Variants in CAMTA1 observed in about 807,000 individuals in gnomAD.
CAMTA1 encodes calmodulin-binding transcription activator 1.
In CAMTA1, 27 loss-of-function variants were observed where a neutral mutation model predicts 170.9. That is an observed-to-expected ratio of 0.16 (90% CI 0.12 to 0.22). The LOEUF is 0.22. Among genes scored for constraint, CAMTA1 ranks in the 10% least tolerant of loss-of-function variants. The pLI, the probability that CAMTA1 is intolerant of heterozygous loss-of-function variation, is 1.00. For missense variants in CAMTA1, 1,619 were observed against 2,217.2 expected (o/e 0.73, Z 5.42); for synonymous variants, 833 against 891.5 (o/e 0.93, Z 1.17).
chr1:6,923,699 C>G (rs1329822760), intron 3 of CAMTA1, among the ~76,000 whole-genome samples: 1 of 152,106 alleles, frequency 6.6e-6, no homozygotes, highest in Non-Finnish European at 1.5e-5. Flanking sequence ...GCGGGGAGTC[C>G]ATGTGAGTGA....
At chr1:7,639,401 ATGGGGTG>A (rs2148925125) in intron 6 of CAMTA1, among the ~76,000 whole-genome samples, 1 of 152,196 alleles carries the variant, frequency 6.6e-6, no homozygotes, top group East Asian at 1.9e-4. Flanking sequence ...GACGAGCTGG[ATGGGGTG>A]ACAGAAGAGC....
rs200732212 is a variant in CAMTA1, at chr1:7,664,165, G to A, written c.1618G>A (p.Glu540Lys). The A allele has an allele frequency of 1.9e-5, 30 of 1,612,932 alleles. No individual in the cohort carries two copies. The highest frequency in any genetic ancestry group is 3.3e-5 in the Admixed American group (2 of 60,028). ...GATCAAGACCGAGGACACCTCCTTC[G>A]AGCAGCAGATGGCCAAAGAAGCGTA... ...KEIKTEDTSF[E>K]QQMAKEAYSS... is the part of the protein sequence containing the mutation. Residue 540 changes from glutamate to lysine, a missense_variant, in exon 9 of 23, where the codon GAG becomes AAG. Glu to Lys is a moderately conservative substitution (Grantham distance 56). This residue lies in a region of CAMTA1 where 731 missense variants were observed against 907.6 expected (regional missense o/e 0.81). Transcript: ENST00000303635.
intron 3 of CAMTA1, among the ~76,000 whole-genome samples, chr1:7,060,614 C>T (rs1474963116): frequency 6.6e-6 from 1 of 152,186 alleles, no homozygotes; most frequent in East Asian, 1.9e-4. Flanking sequence ...GTACACGTGT[C>T]TTAGACCCCT....
At chr1:6,903,243 T>C (rs974736887) in intron 3 of CAMTA1, among the ~76,000 whole-genome samples, 4 of 151,764 alleles carry the variant, frequency 2.6e-5, no homozygotes, top group African/African-American at 9.7e-5. Context: ...TTCTTAAGAG[T>C]AGGGAGGGGA....
At chr1:7,184,087 A>T (rs1208653156) in intron 4 of CAMTA1, among the ~76,000 whole-genome samples, 2 of 152,202 alleles carry the variant, frequency 1.3e-5, no homozygotes, top group Non-Finnish European at 2.9e-5. Flanking sequence ...AACAACATGG[A>T]TGGAACTGGA....
intron 6 of CAMTA1, among the ~76,000 whole-genome samples, chr1:7,594,600 G>A (rs1483772087): frequency 6.6e-6 from 1 of 152,220 alleles, no homozygotes; most frequent in Non-Finnish European, 1.5e-5. Context: ...CTACTGGAAG[G>A]CCCTCTCAGG....
chr1:6,870,791 A>AAG (rs1361869618), intron 3 of CAMTA1, among the ~76,000 whole-genome samples: 1 of 152,218 alleles, frequency 6.6e-6, no homozygotes, highest in Non-Finnish European at 1.5e-5. Flanking sequence ...AGTAAGCACT[A>AAG]AGGAATTTGG....
At chr1:7,416,941 T>A (rs1360762527) in intron 5 of CAMTA1, among the ~76,000 whole-genome samples, 1 of 152,208 alleles carries the variant, frequency 6.6e-6, no homozygotes, top group Non-Finnish European at 1.5e-5. Flanking sequence ...GTTTTTGGTG[T>A]GGATGTCCTT....
chr1:6,814,037 TTAAG>T (rs1172103208), intron 1 of CAMTA1, among the ~76,000 whole-genome samples: 2 of 152,200 alleles, frequency 1.3e-5, no homozygotes, highest in African/African-American at 4.8e-5. Context: ...AGACATTGTA[TTAAG>T]TATTACCAGA....
intron 1 of CAMTA1, among the ~76,000 whole-genome samples, chr1:6,811,915 T>C (rs1034246641): frequency 3.3e-5 from 5 of 152,214 alleles, no homozygotes; most frequent in Non-Finnish European, 7.3e-5. Flanking sequence ...TTTAGTTCTT[T>C]GGGCAGTAGC....
chr1:6,900,648 A>G (rs1313253165), intron 3 of CAMTA1, among the ~76,000 whole-genome samples: 1 of 152,230 alleles, frequency 6.6e-6, no homozygotes, highest in Non-Finnish European at 1.5e-5. Flanking sequence ...GCAACAAACA[A>G]TTGGAAGAGG....
chr1:7,234,728 C>T lies in CAMTA1; in HGVS notation c.303-14763C>T, dbSNP rs2149224475. On this transcript the variant is annotated intron_variant, in intron 4 of 22. Coordinates refer to ENST00000303635, the MANE Select transcript of CAMTA1 (RefSeq NM_015215.4). The surrounding 1 kb of genome is among the most constrained non-coding windows in gnomAD (Gnocchi z 5.0). The stretch of plus-strand genomic sequence containing the variant: ...TCTTCTTTTCAGGGACCTCCAGAGA[C>T]AATTTATGTGAACAAACTGTGGCTT... Among the ~76,000 whole-genome samples the T allele has an allele frequency of 6.6e-6, 1 of 150,936 alleles. No individual in the cohort carries two copies. Among genetic ancestry groups the T allele is most frequent in the East Asian group, 2.0e-4 (1 of 5,110 alleles).
chr1:7,270,182 C>G (rs1316606614), intron 5 of CAMTA1, among the ~76,000 whole-genome samples: 1 of 148,856 alleles, frequency 6.7e-6, no homozygotes, highest in Non-Finnish European at 1.5e-5. Flanking sequence ...CAGATCTATA[C>G]TACAGGATTT....
intron 3 of CAMTA1, among the ~76,000 whole-genome samples, chr1:6,932,798 G>T (rs11120788): frequency 1.3e-5 from 2 of 151,980 alleles, no homozygotes; most frequent in Non-Finnish European, 1.5e-5. Context: ...CTTCTTTAGT[G>T]AAGTGTCTAT....
At chr1:7,488,973 A>G (rs186651081) in intron 6 of CAMTA1, among the ~76,000 whole-genome samples, 6 of 151,754 alleles carry the variant, frequency 4.0e-5, no homozygotes, top group Admixed American at 6.6e-5. Flanking sequence ...ACATACAAGC[A>G]CACACACACA....
chr1:7,622,241 T>C (rs1368078202), intron 6 of CAMTA1, among the ~76,000 whole-genome samples: 1 of 152,216 alleles, frequency 6.6e-6, no homozygotes, highest in Non-Finnish European at 1.5e-5. Context: ...CTCAGGTAGA[T>C]GGGAGGATCC....
At chr1:7,060,764 T>C (rs1708083997) in intron 3 of CAMTA1, among the ~76,000 whole-genome samples, 1 of 152,206 alleles carries the variant, frequency 6.6e-6, no homozygotes, top group Non-Finnish European at 1.5e-5. Context: ...TTGAGGCCTC[T>C]TGTATAACAT....
chr1:7,352,322 G>A (rs188262677), intron 5 of CAMTA1, among the ~76,000 whole-genome samples: 280 of 152,266 alleles, frequency 1.8e-3, no homozygotes, highest in Middle Eastern at 6.8e-3. Flanking sequence ...TTGTCATCTG[G>A]GAGGTGACAA....
chr1:7,344,859 T>C (rs1372225432), intron 5 of CAMTA1, among the ~76,000 whole-genome samples: 1 of 151,726 alleles, frequency 6.6e-6, no homozygotes, highest in African/African-American at 2.4e-5. Context: ...CCCATTCTCC[T>C]ACTCAGCCTC....
Sources: allele counts gnomAD v4.1 joint callset (sites outside exome capture counted in the v4.1 genomes callset), GRCh38; gene constraint gnomAD v4.1.1; regional missense constraint gnomAD v4.1.1; non-coding constraint Gnocchi (gnomAD v3.1); transcripts MANE v1.5; gene names NCBI Gene and HGNC (gene_info 2026-07-23, HGNC 2026-07-21).